TMC1: variants seen among roughly 807,000 people sequenced by gnomAD.
The protein encoded by TMC1 is transmembrane channel like 1.
Under a neutral mutation model 105.8 loss-of-function variants are expected in TMC1, and 84 were observed. That is an observed-to-expected ratio of 0.79 (90% CI 0.67 to 0.95). The LOEUF is 0.95. TMC1 is among the 40% of genes least tolerant of loss of function. TMC1 has a pLI of 0.00. For synonymous variants in TMC1, 315 were observed against 311.5 expected, an observed-to-expected ratio of 1.01 and a Z score of -0.12; for missense variants, 817 against 914.1, an observed-to-expected ratio of 0.89 and a Z score of 1.37.
At chr9:72,666,967 C>T (rs550930971) in intron 5 of TMC1, among the ~76,000 whole-genome samples, 1 of 152,120 alleles carries the variant, frequency 6.6e-6, no homozygotes, top group East Asian at 1.9e-4. Context: ...GTAGTCCCAG[C>T]TACTCAGGAG....
intron 8 of TMC1, among the ~76,000 whole-genome samples, chr9:72,717,457 A>G (rs778130038): frequency 1.3e-5 from 2 of 152,114 alleles, no homozygotes; most frequent in African/African-American, 4.8e-5. Context: ...GGTTCGTTTC[A>G]ATATTTAGAG....
intron 20 of TMC1, among the ~76,000 whole-genome samples, chr9:72,823,573 A>G (rs1828906188): frequency 6.6e-6 from 1 of 152,180 alleles, no homozygotes; most frequent in Non-Finnish European, 1.5e-5. Context: ...GTCTGGTTTT[A>G]TAAGACCTGG....
intron 5 of TMC1, among the ~76,000 whole-genome samples, chr9:72,682,816 A>T (rs1271108119): frequency 6.6e-6 from 1 of 152,200 alleles, no homozygotes; most frequent in Non-Finnish European, 1.5e-5. Flanking sequence ...TAATTGGCTC[A>T]TGGTTCTGCA....
chr9:72,607,071 G>T (rs2132116549), intron 2 of TMC1, among the ~76,000 whole-genome samples: 1 of 151,036 alleles, frequency 6.6e-6, no homozygotes. Context: ...TATGATAAAA[G>T]AATATTATTT....
chr9:72,528,438 G>A (rs1823443058), intron 1 of TMC1, among the ~76,000 whole-genome samples: 1 of 151,692 alleles, frequency 6.6e-6, no homozygotes. Flanking sequence ...GGGTTCAAGC[G>A]ATTCTCCTGC....
Position 72,771,630 on chromosome 9 carries a change from G to A in TMC1, c.742-783G>A, listed in dbSNP as rs566068079. 1.2e-4 allele frequency among the ~76,000 whole-genome samples: 19 copies of A among 152,330 alleles called. No homozygotes were observed. The South Asian group carries it at 3.9e-3, about 32-fold the overall frequency. ...AGAGAAGTAAGAGGGGAGCTGGGGAGTGGATAGCTGTAGTGATACAGTAAC... is the reference window on the plus strand; with the variant it reads ...AGAGAAGTAAGAGGGGAGCTGGGGAATGGATAGCTGTAGTGATACAGTAAC... On this transcript the variant is annotated intron_variant, in intron 12 of 23. Coordinates refer to ENST00000297784, the MANE Select transcript of TMC1 (RefSeq NM_138691.3).
At chr9:72,582,753 A>G (rs906173956) in intron 2 of TMC1, among the ~76,000 whole-genome samples, 4 of 152,160 alleles carry the variant, frequency 2.6e-5, no homozygotes, top group Non-Finnish European at 4.4e-5. Flanking sequence ...GATCATTTTC[A>G]TTTATTTCTG....
intron 2 of TMC1, among the ~76,000 whole-genome samples, chr9:72,585,210 G>A (rs1225715040): frequency 1.3e-5 from 2 of 149,600 alleles, no homozygotes; most frequent in East Asian, 4.0e-4. Flanking sequence ...GAGTGCAGTG[G>A]CGCGATCTTG....
chr9:72,801,780 A>T (rs1414530829), intron 17 of TMC1, among the ~76,000 whole-genome samples: 1 of 152,198 alleles, frequency 6.6e-6, no homozygotes. Flanking sequence ...TATCCTTGAG[A>T]TTGGCTGGGC....
intron 3 of TMC1, among the ~76,000 whole-genome samples, chr9:72,626,801 G>A (rs758961569): frequency 1.3e-5 from 2 of 152,144 alleles, no homozygotes; most frequent in African/African-American, 2.4e-5. Context: ...GTAAGAAGAT[G>A]AGAAGAATGC....
chr9:72,560,049 A>C (rs903758385), intron 1 of TMC1, among the ~76,000 whole-genome samples: 2 of 152,218 alleles, frequency 1.3e-5, no homozygotes, highest in African/African-American at 2.4e-5. Flanking sequence ...CCTTGATTAC[A>C]AGGAAAATGA....
At chr9:72,555,827 T>TGAGA (rs1823927422) in intron 1 of TMC1, among the ~76,000 whole-genome samples, 1 of 151,590 alleles carries the variant, frequency 6.6e-6, no homozygotes, top group African/African-American at 2.4e-5. Context: ...TTCACCATAT[T>TGAGA]CCCCAGGCTG....
Position 72,643,257 on chromosome 9 carries a change from T to C in TMC1, c.-52-5340T>C, listed in dbSNP as rs547492475. ...ATGTTTATTTCATAACATACTCTCA[T>C]TTGGGCCCATGCATGGCTTGTATTT... On this transcript the variant is annotated intron_variant, in intron 4 of 23. Transcript: ENST00000297784. 2.0e-5 allele frequency among the ~76,000 whole-genome samples: 3 copies of C among 152,230 alleles called. No individual in the cohort carries two copies. The South Asian group carries it at 6.2e-4, about 32-fold the overall frequency.
chr9:72,641,444 T>C (rs1213380728), intron 4 of TMC1, among the ~76,000 whole-genome samples: 1 of 152,176 alleles, frequency 6.6e-6, no homozygotes, highest in African/African-American at 2.4e-5. Flanking sequence ...TCAAAAACAG[T>C]CCTCTTCACT....
At chr9:72,776,466 A>G (rs1408623173) in intron 13 of TMC1, among the ~76,000 whole-genome samples, 7 of 152,184 alleles carry the variant, frequency 4.6e-5, no homozygotes, top group Admixed American at 2.0e-4. Flanking sequence ...TAAACATTGC[A>G]AAGTAGCTAT....
chr9:72,532,965 TC>T (rs1823524640), intron 1 of TMC1, among the ~76,000 whole-genome samples: 1 of 152,286 alleles, frequency 6.6e-6, no homozygotes. Context: ...GAGTAGAGGA[TC>T]CTGTTTCAGT....
intron 13 of TMC1, among the ~76,000 whole-genome samples, chr9:72,780,349 A>C (rs950988307): frequency 3.9e-5 from 6 of 152,180 alleles, no homozygotes; most frequent in African/African-American, 1.4e-4. Context: ...GCAACTACAC[A>C]ATCAAGTCCA....
At chr9:72,780,182 A>G (rs562106558) in intron 13 of TMC1, among the ~76,000 whole-genome samples, 19 of 152,362 alleles carry the variant, frequency 1.2e-4, no homozygotes, top group African/African-American at 4.6e-4. Flanking sequence ...GCAAAGGAGA[A>G]ATAAAATCCT....
rs180906009 is a variant in TMC1 at position 72,595,834 on chromosome 9, G to A, written c.-306+17811G>A. ...TGGGATTACAGGCATGCACCACCAC[G>A]CTGGCTAATTTTCGTATTTTTAGTA... On this transcript the variant is annotated intron_variant, in intron 2 of 23. Coordinates refer to ENST00000297784, the MANE Select transcript of TMC1 (RefSeq NM_138691.3). 1.2e-4 allele frequency among the ~76,000 whole-genome samples: 18 copies of A among 148,910 alleles called. No individual in the cohort carries two copies. The East Asian group carries it at 2.6e-3, about 21-fold the overall frequency.
Sources: allele counts gnomAD v4.1 joint callset (sites outside exome capture counted in the v4.1 genomes callset), GRCh38; gene constraint gnomAD v4.1.1; transcripts MANE v1.5; gene names NCBI Gene and HGNC (gene_info 2026-07-23, HGNC 2026-07-21).